ZNF138: variants seen among roughly 807,000 people sequenced by gnomAD.
ZNF138 encodes zinc finger protein 138.
Under a neutral mutation model 33.0 loss-of-function variants are expected in ZNF138, and 33 were observed. The observed-to-expected ratio is 1.00, with a 90% CI of 0.76 to 1.34. ZNF138 has a LOEUF of 1.34. Among genes scored for constraint, ZNF138 ranks in the 40% most tolerant of loss-of-function variants. The pLI is 0.00. For synonymous variants in ZNF138, 139 were observed against 120.4 expected (o/e 1.15, Z -1.01); for missense variants, 360 against 370.8 (o/e 0.97, Z 0.24).
chr7:64,794,455 T>C lies in ZNF138; in HGVS notation c.-114T>C. On this transcript the variant is annotated 5_prime_UTR_variant, in exon 1 of 4. Coordinates refer to ENST00000307355, the MANE Select transcript of ZNF138 (RefSeq NM_001271639.2). Reference sequence around the variant, plus strand: ...CTCGCTGCAGCGGGTGCTGCAGGTCTGGCCTTCACTTTTCTGCGTCCTCTT... The same window carrying C: ...CTCGCTGCAGCGGGTGCTGCAGGTCCGGCCTTCACTTTTCTGCGTCCTCTT... 8.1e-6 allele frequency: 12 copies of C among 1,482,060 alleles called. No individual in the cohort carries two copies. The highest frequency in any genetic ancestry group is 1.1e-5 in the Non-Finnish European group (12 of 1,080,390). The allele number at this position is 1,482,060 out of a possible 1,614,324, so 91.8% of individuals were successfully genotyped here. A position where few individuals can be genotyped will look rare whatever the true frequency, so the allele number is the denominator to read the frequency against.
chr7:64,811,617 C>T (rs1056710217), intron 1 of ZNF138, among the ~76,000 whole-genome samples: 3 of 152,140 alleles, frequency 2.0e-5, no homozygotes, highest in Non-Finnish European at 4.4e-5. Flanking sequence ...AAGTGCCCGG[C>T]CTGTTTTTCA....
At position 64,814,903 on chromosome 7, in the gene ZNF138, G is replaced by A; in HGVS notation, c.4-15G>A. 6.2e-7 allele frequency: 1 copy of A among 1,609,452 alleles called. No homozygotes were observed. The highest frequency in any genetic ancestry group is 8.5e-7 in the Non-Finnish European group (1 of 1,176,586). ...GGTTAATGTGTGTGTGTGTTTGTGT[G>A]TGCGTGTTTTTCAGGGACCACTGAC... On this transcript the variant is annotated splice_polypyrimidine_tract_variant and intron_variant, in intron 1 of 3. Coordinates refer to ENST00000307355, the MANE Select transcript of ZNF138 (RefSeq NM_001271639.2).
At chr7:64,846,565 G>T in the ZNF138 span, among the ~76,000 whole-genome samples, 1 of 152,246 alleles carries the variant, frequency 6.6e-6, no homozygotes, top group African/African-American at 2.4e-5. Context: ...TTTTCAGCTT[G>T]GTTGCTGTTG....
intron 1 of ZNF138, among the ~76,000 whole-genome samples, chr7:64,803,259 T>G (rs1288504037): frequency 2.0e-5 from 1 of 50,934 alleles, no homozygotes; most frequent in East Asian, 6.6e-4. Flanking sequence ...TTGGCAAAGG[T>G]TTTTTTTTTT....
the ZNF138 span, among the ~76,000 whole-genome samples, chr7:64,853,654 CAT>C: frequency 2.4e-4 from 36 of 151,214 alleles, no homozygotes; most frequent in Admixed American, 1.6e-3. Flanking sequence ...TTGAAAAACT[CAT>C]GTGTTATAAA....
At chr7:64,850,799 A>G in the ZNF138 span, among the ~76,000 whole-genome samples, 1 of 152,210 alleles carries the variant, frequency 6.6e-6, no homozygotes, top group Admixed American at 6.5e-5. Context: ...GCAAGTGTAC[A>G]GGAAATTTAT....
At chr7:64,824,150 G>T (rs1789390594) in intron 3 of ZNF138, among the ~76,000 whole-genome samples, 1 of 152,102 alleles carries the variant, frequency 6.6e-6, no homozygotes, top group Non-Finnish European at 1.5e-5. Flanking sequence ...GGGACCTAGG[G>T]AAGTGTTTGG....
chr7:64,838,849 C>T, the ZNF138 span, among the ~76,000 whole-genome samples: 9 of 151,806 alleles, frequency 5.9e-5, no homozygotes, highest in Non-Finnish European at 1.2e-4. Context: ...GGCCAAATGG[C>T]GGCAGAAGAA....
chr7:64,858,361 GA>G, the ZNF138 span, among the ~76,000 whole-genome samples: 1 of 152,176 alleles, frequency 6.6e-6, no homozygotes, highest in Non-Finnish European at 1.5e-5. Context: ...GAAAGAGGAG[GA>G]TGCAGATAGA....
intron 3 of ZNF138, among the ~76,000 whole-genome samples, chr7:64,818,398 A>C (rs1289711399): frequency 6.6e-6 from 1 of 152,188 alleles, no homozygotes; most frequent in Non-Finnish European, 1.5e-5. Context: ...GGATTACAGC[A>C]GTTTCATTTG....
intron 2 of ZNF138, 68 bp from the exon 3 acceptor site, chr7:64,815,508 T>A (rs1788546358): frequency 3.5e-6 from 5 of 1,424,140 alleles, no homozygotes; most frequent in Non-Finnish European, 4.9e-6. Flanking sequence ...AGGTTGGTAA[T>A]TGGAGAATAT....
At chr7:64,805,645 C>CT (rs1787536361) in intron 1 of ZNF138, among the ~76,000 whole-genome samples, 1 of 152,156 alleles carries the variant, frequency 6.6e-6, no homozygotes. Context: ...ACACCAGCCA[C>CT]TAGGAGAGGG....
intron 1 of ZNF138, among the ~76,000 whole-genome samples, chr7:64,808,064 C>T (rs556012993): frequency 6.6e-6 from 1 of 152,300 alleles, no homozygotes; most frequent in South Asian, 2.1e-4. Context: ...TTGGCTTATC[C>T]TTAAGCAATC....
chr7:64,815,676 A>T, intron 3 of ZNF138, 23 bp downstream of exon 3: 1 of 1,600,358 alleles, frequency 6.2e-7, no homozygotes, highest in Non-Finnish European at 8.5e-7. Context: ...GAATACACAG[A>T]TGGCACAGAT....
At chr7:64,838,529 C>G (rs906441932), downstream of ZNF138, among the ~76,000 whole-genome samples, 8 of 152,214 alleles carry the variant, frequency 5.3e-5, no homozygotes, top group Non-Finnish European at 1.0e-4. Context: ...GCTGCCAGGG[C>G]TTGGGTTTGG....
chr7:64,859,902 G>T, the ZNF138 span, among the ~76,000 whole-genome samples: 1 of 152,160 alleles, frequency 6.6e-6, no homozygotes, highest in Admixed American at 6.5e-5. Flanking sequence ...ACTTTGGCAG[G>T]CCAAGGTGGG....
chr7:64,851,147 A>C, the ZNF138 span, among the ~76,000 whole-genome samples: 2 of 152,146 alleles, frequency 1.3e-5, no homozygotes, highest in African/African-American at 4.8e-5. Flanking sequence ...ACAATACATT[A>C]TTGTTTACTA....
downstream of ZNF138, among the ~76,000 whole-genome samples, chr7:64,837,767 G>A (rs4718132): frequency 0.99 from 150,202 of 152,288 alleles, 74,110 homozygotes; most frequent in East Asian, 1. Context: ...AAATCTTGGG[G>A]TTATCTGTTC....
At chr7:64,827,420 ATTTTTAGTAGAG>A (rs1789729083) in intron 3 of ZNF138, among the ~76,000 whole-genome samples, 1 of 151,344 alleles carries the variant, frequency 6.6e-6, no homozygotes, top group Non-Finnish European at 1.5e-5. Flanking sequence ...AATTTTTTGT[ATTTTTAGTAGAG>A]ACAGGGTTTC....
Sources: allele counts gnomAD v4.1 joint callset (sites outside exome capture counted in the v4.1 genomes callset), GRCh38; gene constraint gnomAD v4.1.1; transcripts MANE v1.5; gene names NCBI Gene and HGNC (gene_info 2026-07-23, HGNC 2026-07-21).